Variants in PLGRKT observed in about 807,000 individuals in gnomAD.
PLGRKT encodes the protein plasminogen receptor (KT).
Under a neutral mutation model 18.5 loss-of-function variants are expected in PLGRKT, and 22 were observed. The observed-to-expected ratio is 1.19, with a 90% confidence interval of 0.85 to 1.70. PLGRKT has a LOEUF of 1.70. Among genes scored for constraint, PLGRKT ranks in the 40% most tolerant of loss-of-function variants. PLGRKT has a pLI of 0.00. For missense variants in PLGRKT, 235 were observed against 174.4 expected (o/e 1.35, Z -1.96); for synonymous variants, 72 against 52.8 (o/e 1.36, Z -1.58).
chr9:5,435,415 CT>C (rs1262350764), intron 2 of PLGRKT, among the ~76,000 whole-genome samples: 1 of 152,064 alleles, frequency 6.6e-6, no homozygotes, highest in Non-Finnish European at 1.5e-5. Context: ...TGTCCCTCTC[CT>C]ACATGCCCCT....
chr9:5,426,280 A>C (rs896313596), intron 3 of PLGRKT, among the ~76,000 whole-genome samples: 1 of 152,132 alleles, frequency 6.6e-6, no homozygotes, highest in Non-Finnish European at 1.5e-5. Context: ...TGTTCATCTT[A>C]TTATACTCCA....
At chr9:5,359,282 T>G (rs1275106831) in intron 5 of PLGRKT, among the ~76,000 whole-genome samples, 1 of 152,104 alleles carries the variant, frequency 6.6e-6, no homozygotes, top group Non-Finnish European at 1.5e-5. Flanking sequence ...GGTCTCAAAC[T>G]CAAGTGATCT....
chr9:5,360,464 T>C (rs181109747), intron 5 of PLGRKT, among the ~76,000 whole-genome samples: 3 of 152,322 alleles, frequency 2.0e-5, no homozygotes, highest in Admixed American at 6.5e-5. Flanking sequence ...AATAAAACTT[T>C]ATTTTGGAAA....
At chr9:5,422,790 G>A (rs191503957) in intron 3 of PLGRKT, among the ~76,000 whole-genome samples, 3 of 152,132 alleles carry the variant, frequency 2.0e-5, no homozygotes, top group Admixed American at 1.3e-4. Flanking sequence ...AAAAGGCAAA[G>A]GAAGATGGAA....
In PLGRKT at chr9:5,364,760, C is replaced by A. The variant is rs577775958; in HGVS notation, c.82-2872G>T. Among the ~76,000 whole-genome samples the A allele has an allele frequency of 2.6e-5, 4 of 152,278 alleles. No individual in the cohort carries two copies. The East Asian group carries it at 7.7e-4, about 29-fold the overall frequency. On this transcript the variant is annotated intron_variant, in intron 3 of 5. Coordinates refer to ENST00000223864, the MANE Select transcript of PLGRKT (RefSeq NM_018465.4). ...ACAATTCTGAAACTGCTTTACATGT[C>A]TACTGGAGATGAGCAACAAGTAAAT...
intron 3 of PLGRKT, among the ~76,000 whole-genome samples, chr9:5,424,768 C>A (rs1362733892): frequency 1.4e-5 from 2 of 145,970 alleles, no homozygotes; most frequent in East Asian, 4.0e-4. Context: ...GTTGCCCGGG[C>A]TGGTCCCAAA....
intron 1 of PLGRKT, 172 bp downstream of exon 1, chr9:5,437,617 C>A (rs1334655307): frequency 6.6e-6 from 1 of 152,292 alleles, no homozygotes; most frequent in African/African-American, 2.4e-5. Flanking sequence ...TCTAATGGAA[C>A]GAAGTTGGCA....
At chr9:5,427,804 G>A (rs1818732243) in intron 3 of PLGRKT, among the ~76,000 whole-genome samples, 1 of 152,162 alleles carries the variant, frequency 6.6e-6, no homozygotes, top group Non-Finnish European at 1.5e-5. Flanking sequence ...GGAAAAGGAG[G>A]GACAAGGGCC....
intron 3 of PLGRKT, among the ~76,000 whole-genome samples, chr9:5,410,727 A>G (rs1214046939): frequency 6.6e-6 from 1 of 152,238 alleles, no homozygotes; most frequent in African/African-American, 2.4e-5. Context: ...GCAGATCCAC[A>G]GTAGAAAATT....
chr9:5,358,593 G>C (rs1441738340), intron 5 of PLGRKT, among the ~76,000 whole-genome samples: 1 of 152,170 alleles, frequency 6.6e-6, no homozygotes, highest in Non-Finnish European at 1.5e-5. Context: ...TTGACATGTA[G>C]AAGAGAAAGA....
At chr9:5,381,148 G>C (rs1306387867) in intron 3 of PLGRKT, among the ~76,000 whole-genome samples, 1 of 152,212 alleles carries the variant, frequency 6.6e-6, no homozygotes, top group Non-Finnish European at 1.5e-5. Context: ...TATGAAAACA[G>C]ACTAATACAG....
At chr9:5,393,585 A>C (rs1817989592) in intron 3 of PLGRKT, among the ~76,000 whole-genome samples, 3 of 152,018 alleles carry the variant, frequency 2.0e-5, no homozygotes, top group Non-Finnish European at 4.4e-5. Flanking sequence ...TCACAGAACA[A>C]GAGAATTAAC....
At chr9:5,362,795 G>C (rs1563765011) in intron 3 of PLGRKT, among the ~76,000 whole-genome samples, 1 of 152,124 alleles carries the variant, frequency 6.6e-6, no homozygotes, top group Admixed American at 6.5e-5. Flanking sequence ...GATGGGGCTT[G>C]GCTCCTTGGC....
At chr9:5,369,700 A>G (rs1344094015) in intron 3 of PLGRKT, among the ~76,000 whole-genome samples, 1 of 152,244 alleles carries the variant, frequency 6.6e-6, no homozygotes, top group Non-Finnish European at 1.5e-5. Context: ...ATGCCCATCA[A>G]TGATAGACTG....
At chr9:5,427,735 A>T (rs951922283) in intron 3 of PLGRKT, among the ~76,000 whole-genome samples, 5 of 152,192 alleles carry the variant, frequency 3.3e-5, no homozygotes, top group Non-Finnish European at 5.9e-5. Flanking sequence ...CAGACACTTT[A>T]CATGCCCTGA....
intron 3 of PLGRKT, among the ~76,000 whole-genome samples, chr9:5,393,374 G>C (rs1315015812): frequency 6.6e-6 from 1 of 151,354 alleles, no homozygotes; most frequent in Non-Finnish European, 1.5e-5. Flanking sequence ...TTTTTCTATG[G>C]TTACTGTGAA....
chr9:5,408,814 C>T (rs1818305944), intron 3 of PLGRKT, among the ~76,000 whole-genome samples: 1 of 152,234 alleles, frequency 6.6e-6, no homozygotes, highest in African/African-American at 2.4e-5. Context: ...GCCCCACTTC[C>T]CTGCACAGCC....
In PLGRKT at chr9:5,418,033, C is replaced by T. The variant is rs1467396220; in HGVS notation, c.81+13864G>A. Among the ~76,000 whole-genome samples the T allele has an allele frequency of 1.3e-5, 2 of 152,124 alleles. No individual in the cohort carries two copies. Among genetic ancestry groups the T allele is most frequent in the African/African-American group, 4.8e-5 (2 of 41,416 alleles). On this transcript the variant is annotated intron_variant, in intron 3 of 5. Coordinates refer to ENST00000223864, the MANE Select transcript of PLGRKT (RefSeq NM_018465.4). This position sits in a 1 kb window ranked among gnomAD's most constrained non-coding sequence, Gnocchi z 4.2. ...TTTCGAGAAGATCACATTGTACGCA[C>T]TTGTGGAGTTTAACGTCTAAGTAGA...
intron 3 of PLGRKT, among the ~76,000 whole-genome samples, chr9:5,403,374 C>T (rs1818194137): frequency 1.3e-5 from 2 of 152,014 alleles, no homozygotes; most frequent in African/African-American, 2.4e-5. Flanking sequence ...CAGGCGCACG[C>T]CACCACTCCT....
Sources: gnomAD v4.1 joint callset for allele counts (sites outside exome capture counted in the v4.1 genomes callset) on GRCh38, gnomAD v4.1.1 for gene constraint, Gnocchi (gnomAD v3.1) non-coding constraint, MANE v1.5 for transcripts, NCBI Gene and HGNC (gene_info 2026-07-23, HGNC 2026-07-21) for gene names.